Variants in PACRG observed in about 807,000 individuals in gnomAD.
The protein encoded by PACRG is parkin coregulated.
A neutral mutation model predicts 29.7 loss-of-function variants in PACRG; 29 were observed. The ratio of observed to expected loss-of-function variants is 0.98; its 90% confidence interval spans 0.73 to 1.33. PACRG has a LOEUF of 1.33. Among genes scored for constraint, PACRG ranks in the 40% most tolerant of loss-of-function variants. The pLI, the probability that PACRG is intolerant of heterozygous loss-of-function variation, is 0.00. For missense variants in PACRG, 279 were observed against 316.2 expected, an observed-to-expected ratio of 0.88 and a Z score of 0.89; for synonymous variants, 116 against 118.7, an observed-to-expected ratio of 0.98 and a Z score of 0.15.
chr6:163,073,875 T>C (rs3002394), intron 3 of PACRG, among the ~76,000 whole-genome samples: 76,177 of 152,100 alleles, frequency 0.5, 22,005 homozygotes, highest in East Asian at 0.96. Flanking sequence ...ATCAAAACTA[T>C]AATGAGATAT....
intron 4 of PACRG, among the ~76,000 whole-genome samples, chr6:163,184,648 A>G (rs1562954164): frequency 6.6e-6 from 1 of 152,198 alleles, no homozygotes; most frequent in Non-Finnish European, 1.5e-5. Flanking sequence ...TGAGCTCCTA[A>G]GAATATCCCT....
At chr6:162,865,717 C>T (rs375400695) in intron 2 of PACRG, among the ~76,000 whole-genome samples, 11 of 152,098 alleles carry the variant, frequency 7.2e-5, no homozygotes, top group Admixed American at 7.2e-4. Context: ...ATTTAACTTG[C>T]CTCATGTAAT....
chr6:163,101,669 G>A (rs1815094381), intron 4 of PACRG, among the ~76,000 whole-genome samples: 2 of 152,198 alleles, frequency 1.3e-5, no homozygotes, highest in East Asian at 1.9e-4. Flanking sequence ...TGTCGGGCCT[G>A]TAAAAACCTG....
chr6:162,879,865 A>G (rs886231049), intron 2 of PACRG, among the ~76,000 whole-genome samples: 24 of 152,328 alleles, frequency 1.6e-4, no homozygotes, highest in African/African-American at 4.8e-4. Flanking sequence ...AGTAGCTGGT[A>G]TATCTATAAG....
At chr6:163,130,327 G>A (rs1367907580) in intron 4 of PACRG, among the ~76,000 whole-genome samples, 1 of 152,090 alleles carries the variant, frequency 6.6e-6, no homozygotes, top group Admixed American at 6.5e-5. Context: ...CCTTTCTCCT[G>A]GTCTTCTATG....
intron 2 of PACRG, among the ~76,000 whole-genome samples, chr6:163,046,880 A>C (rs1169927422): frequency 6.6e-6 from 1 of 152,252 alleles, no homozygotes; most frequent in African/African-American, 2.4e-5. Context: ...AAAGAGCTTT[A>C]ACAAATTGGA....
intron 3 of PACRG, among the ~76,000 whole-genome samples, chr6:163,064,747 G>A (rs1811388363): frequency 6.6e-6 from 1 of 151,956 alleles, no homozygotes; most frequent in Admixed American, 6.6e-5. Context: ...TAACATCTCT[G>A]TGTATTTTAT....
At chr6:162,990,370 C>G (rs2128184323) in intron 2 of PACRG, among the ~76,000 whole-genome samples, 1 of 151,248 alleles carries the variant, frequency 6.6e-6, no homozygotes, top group East Asian at 1.9e-4. Context: ...TAAAAGTGTT[C>G]CTATTTCTCC....
chr6:163,105,156 C>T (rs1440399406), intron 4 of PACRG, among the ~76,000 whole-genome samples: 4 of 151,952 alleles, frequency 2.6e-5, no homozygotes, highest in African/African-American at 9.7e-5. Flanking sequence ...GCAAATAAAA[C>T]CTTTCCTGAG....
At chr6:163,179,394 TAAAAA>T in intron 4 of PACRG, 9 of 216,154 alleles carry the variant, frequency 4.2e-5, no homozygotes, top group South Asian at 2.0e-4. Context: ...TTCTTTAAAT[TAAAAA>T]AAAAAAAAAA....
chr6:162,814,547 A>C (rs1787163979), intron 2 of PACRG, among the ~76,000 whole-genome samples: 1 of 152,138 alleles, frequency 6.6e-6, no homozygotes, highest in South Asian at 2.1e-4. Flanking sequence ...TTTTATGAGA[A>C]CCTGGCAGCC....
intron 2 of PACRG, chr6:163,042,597 G>T (rs1157204523): frequency 3.3e-5 from 5 of 151,434 alleles, no homozygotes; most frequent in African/African-American, 1.2e-4. Flanking sequence ...TGAGATGTTT[G>T]TTTCTAAAAT....
intron 4 of PACRG, among the ~76,000 whole-genome samples, chr6:163,262,871 C>T (rs367585042): frequency 4.7e-5 from 7 of 148,406 alleles, no homozygotes; most frequent in African/African-American, 1.5e-4. Context: ...GTGAGACCCC[C>T]CCCCCCATGT....
chr6:163,277,199 C>A (rs1347701535), intron 4 of PACRG, among the ~76,000 whole-genome samples: 1 of 151,550 alleles, frequency 6.6e-6, no homozygotes, highest in African/African-American at 2.4e-5. Flanking sequence ...TTTGGTGCAC[C>A]CATCACCTGA....
intron 4 of PACRG, among the ~76,000 whole-genome samples, chr6:163,216,392 C>T (rs1300705591): frequency 6.6e-6 from 1 of 151,956 alleles, no homozygotes; most frequent in Non-Finnish European, 1.5e-5. Context: ...GGGCAGAAGA[C>T]AGTAATGAAA....
At chr6:163,059,143 C>G (rs1161251062) in intron 2 of PACRG, among the ~76,000 whole-genome samples, 2 of 151,098 alleles carry the variant, frequency 1.3e-5, no homozygotes, top group Non-Finnish European at 2.9e-5. Flanking sequence ...TAGGAAAGAA[C>G]TGCTGTGGTC....
chr6:162,747,372 A>G lies in PACRG; in HGVS notation c.156+18981A>G, dbSNP rs1318759270. Among the ~76,000 whole-genome samples the G allele has an allele frequency of 2.0e-3, 92 of 46,818 alleles. 10 individuals carry two copies. Among genetic ancestry groups the G allele is most frequent in the Non-Finnish European group, 2.7e-3 (78 of 28,534 alleles). 30.7% of individuals were successfully genotyped at this position (46,818 alleles called of 152,430 possible). A position where few individuals can be genotyped will look rare whatever the true frequency, so the allele number is the denominator to read the frequency against. On this transcript the variant is annotated intron_variant, in intron 1 of 4. Coordinates refer to ENST00000366888, the MANE Select transcript of PACRG (RefSeq NM_001080379.2). ...TATATATATATATATATACACATACATATATATGTATATATATGTATATAT... is the reference window on the plus strand; with the variant it reads ...TATATATATATATATATACACATACGTATATATGTATATATATGTATATAT...
intron 2 of PACRG, chr6:162,997,589 T>C (rs1804190854): frequency 1.6e-5 from 5 of 316,374 alleles, no homozygotes; most frequent in Middle Eastern, 4.0e-4. Flanking sequence ...GAGGTGACAA[T>C]TTGACATAGG....
intron 4 of PACRG, among the ~76,000 whole-genome samples, chr6:163,293,702 A>G (rs909833773): frequency 6.6e-6 from 1 of 152,234 alleles, no homozygotes; most frequent in Non-Finnish European, 1.5e-5. Flanking sequence ...CCACGTTACC[A>G]TTAGAGAAAG....
Sources: allele counts gnomAD v4.1 joint callset (sites outside exome capture counted in the v4.1 genomes callset), GRCh38; gene constraint gnomAD v4.1.1; transcripts MANE v1.5; gene names NCBI Gene and HGNC (gene_info 2026-07-23, HGNC 2026-07-21).